Variants in CAMKMT observed in about 807,000 individuals in gnomAD.
The protein encoded by CAMKMT is calmodulin-lysine N-methyltransferase, also known as CaM KMT.
CAMKMT carries 53 observed loss-of-function variants against 48.0 expected under a neutral mutation model. The ratio of observed to expected loss-of-function variants is 1.10; its 90% CI spans 0.89 to 1.39. The LOEUF (loss-of-function observed/expected upper bound fraction) is 1.39, where lower values mean the gene tolerates loss of function less well. Ranked by LOEUF, CAMKMT falls within the 40% of genes most tolerant of loss-of-function variation. CAMKMT has a pLI of 0.00. For synonymous variants in CAMKMT, 165 were observed against 152.3 expected (o/e 1.08, Z -0.61); for missense variants, 428 against 402.7 (o/e 1.06, Z -0.54).
intron 3 of CAMKMT, among the ~76,000 whole-genome samples, chr2:44,437,534 G>A (rs1428180468): frequency 1.4e-5 from 2 of 147,306 alleles, no homozygotes; most frequent in African/African-American, 5.4e-5. Context: ...GCCATAAGCC[G>A]TTAGTAGTGT....
At chr2:44,615,650 G>T (rs955928214) in intron 3 of CAMKMT, among the ~76,000 whole-genome samples, 1 of 152,132 alleles carries the variant, frequency 6.6e-6, no homozygotes, top group Non-Finnish European at 1.5e-5. Flanking sequence ...CATTGGGCAT[G>T]ATTTGAGTTG....
intron 1 of CAMKMT, among the ~76,000 whole-genome samples, chr2:44,371,942 T>G (rs1208354239): frequency 1.3e-5 from 2 of 152,194 alleles, no homozygotes; most frequent in African/African-American, 4.8e-5. Flanking sequence ...TGCCCCACAC[T>G]TAAAAACCTG....
intron 3 of CAMKMT, among the ~76,000 whole-genome samples, chr2:44,511,408 C>T (rs1172099838): frequency 6.6e-6 from 1 of 152,194 alleles, no homozygotes; most frequent in Non-Finnish European, 1.5e-5. Flanking sequence ...CATGCCTCAG[C>T]TACCTGAGTA....
Position 44,601,781 on chromosome 2 carries a change from C to T in CAMKMT, c.377-102502C>T, listed in dbSNP as rs527555597. On this transcript the variant is annotated intron_variant, in intron 3 of 10. Coordinates refer to ENST00000378494, the MANE Select transcript of CAMKMT (RefSeq NM_024766.5). ...GATTTAAACTTAATATTAAACATTT[C>T]CTCTCAATTCTCTTAATTACTTTTT... Among the ~76,000 whole-genome samples the T allele has an allele frequency of 1.9e-4, 29 of 151,488 alleles. No homozygotes were observed. In the East Asian group the frequency reaches 5.6e-3, roughly 29 times the overall value.
chr2:44,379,391 G>A lies in CAMKMT; in HGVS notation c.311+6503G>A, dbSNP rs111229402. Among the ~76,000 whole-genome samples the A allele has an allele frequency of 4.2e-3, 644 of 152,212 alleles. 5 individuals are homozygous for A. Among genetic ancestry groups the A allele is most frequent in the Non-Finnish European group, 7.6e-3 (514 of 68,010 alleles). On this transcript the variant is annotated intron_variant, in intron 2 of 10. Transcript: ENST00000378494. ...TGAATATGCATGTACAAGTTTTTGT[G>A]TGAACATATGCTTTTAATTCTCTTG...
At chr2:44,730,468 C>T (rs1679022734) in intron 7 of CAMKMT, among the ~76,000 whole-genome samples, 2 of 152,198 alleles carry the variant, frequency 1.3e-5, no homozygotes, top group African/African-American at 4.8e-5. Flanking sequence ...ACTTGAGGAA[C>T]ATGTCCTCAT....
intron 3 of CAMKMT, among the ~76,000 whole-genome samples, chr2:44,548,353 C>T (rs1388515423): frequency 6.6e-6 from 1 of 152,138 alleles, no homozygotes; most frequent in Non-Finnish European, 1.5e-5. Context: ...TCTCTAAGTG[C>T]TTTGGTTTGT....
intron 1 of CAMKMT, chr2:44,369,658 A>C (rs374174255): frequency 1.1e-4 from 17 of 152,356 alleles, no homozygotes; most frequent in African/African-American, 4.1e-4. Context: ...TTTGGTGAAC[A>C]GGAAGCTGCT....
intron 3 of CAMKMT, among the ~76,000 whole-genome samples, chr2:44,609,443 A>G (rs867145674): frequency 1.3e-5 from 2 of 151,672 alleles, no homozygotes; most frequent in South Asian, 2.1e-4. Context: ...TTGTCTGTCA[A>G]TTTTTAAATA....
chr2:44,584,995 C>T lies in CAMKMT; in HGVS notation c.377-119288C>T, dbSNP rs1012290150. Among the ~76,000 whole-genome samples, 5 of 151,268 alleles carry T rather than the reference C, an allele frequency of 3.3e-5. No individual in the cohort carries two copies. In the East Asian group the frequency reaches 7.8e-4, roughly 24 times the overall value. On this transcript the variant is annotated intron_variant, in intron 3 of 10. Coordinates refer to ENST00000378494, the MANE Select transcript of CAMKMT (RefSeq NM_024766.5). ...ACATGAACCCACGAGGCGGAGGTTG[C>T]AGTGAGCCGAGATCGCACCACTGCA...
intron 3 of CAMKMT, among the ~76,000 whole-genome samples, chr2:44,685,380 G>A (rs1014014214): frequency 6.6e-6 from 1 of 152,170 alleles, no homozygotes; most frequent in African/African-American, 2.4e-5. Context: ...AGTGAAGGGA[G>A]GGAGTTCTTT....
At chr2:44,737,846 T>G (rs1264554947) in intron 7 of CAMKMT, among the ~76,000 whole-genome samples, 1 of 150,512 alleles carries the variant, frequency 6.6e-6, no homozygotes, top group Non-Finnish European at 1.5e-5. Flanking sequence ...CTCAGTTCCA[T>G]CTTCTTTTTT....
intron 3 of CAMKMT, among the ~76,000 whole-genome samples, chr2:44,604,889 G>A (rs4952718): frequency 0.6 from 91,408 of 151,628 alleles, 28,213 homozygotes; most frequent in Admixed American, 0.68. Context: ...TGAACAAATA[G>A]GCTGTTTGTG....
At chr2:44,491,515 T>A (rs1234287524) in intron 3 of CAMKMT, among the ~76,000 whole-genome samples, 1 of 152,156 alleles carries the variant, frequency 6.6e-6, no homozygotes, top group Non-Finnish European at 1.5e-5. Context: ...GTTACAAAAA[T>A]TTTGGAATAT....
rs558838700 is a variant in CAMKMT, at chr2:44,695,116, G to A, written c.377-9167G>A. The stretch of plus-strand genomic sequence containing the variant: ...ATTCTGCAGCACTTCATTGAGTGAC[G>A]TCAATAATGTAGCAGAAGTGCTATA... On this transcript the variant is annotated intron_variant, in intron 3 of 10. Coordinates refer to ENST00000378494, the MANE Select transcript of CAMKMT (RefSeq NM_024766.5). Among the ~76,000 whole-genome samples, 6 of 152,268 alleles carry A rather than the reference G, an allele frequency of 3.9e-5. No individual in the cohort carries two copies. In the South Asian group the frequency reaches 8.3e-4, roughly 21 times the overall value.
At chr2:44,414,874 G>A (rs957667090) in intron 3 of CAMKMT, among the ~76,000 whole-genome samples, 14 of 152,292 alleles carry the variant, frequency 9.2e-5, no homozygotes, top group Middle Eastern at 3.4e-3. Context: ...TTAAAAAATC[G>A]GCCAGGCGTG....
intron 8 of CAMKMT, among the ~76,000 whole-genome samples, chr2:44,744,150 C>A (rs1343650987): frequency 6.6e-6 from 1 of 152,066 alleles, no homozygotes; most frequent in Non-Finnish European, 1.5e-5. Flanking sequence ...ATAAACATAT[C>A]TGTGGAATAT....
At chr2:44,362,186 C>A in intron 1 of CAMKMT, 41 bp downstream of exon 1, 2 of 1,413,094 alleles carry the variant, frequency 1.4e-6, no homozygotes, top group South Asian at 1.5e-5. Context: ...CCTCTGGTCA[C>A]TCCTCTCTCA....
rs375895173 is a variant in CAMKMT at position 44,670,459 on chromosome 2, T to C, written c.377-33824T>C. Among the ~76,000 whole-genome samples, 28 of 152,242 alleles carry C rather than the reference T, an allele frequency of 1.8e-4. No individual in the cohort carries two copies. In the East Asian group the frequency reaches 5.2e-3, roughly 28 times the overall value. Reference sequence around the variant, plus strand: ...GTGATTGCACCACTGCACTCCAGACTGGGCAGCAGAGCGAGATCTTCTCTC... The same window carrying C: ...GTGATTGCACCACTGCACTCCAGACCGGGCAGCAGAGCGAGATCTTCTCTC... On this transcript the variant is annotated intron_variant, in intron 3 of 10. Transcript: ENST00000378494.
Sources: allele counts gnomAD v4.1 joint callset (sites outside exome capture counted in the v4.1 genomes callset), GRCh38; gene constraint gnomAD v4.1.1; transcripts MANE v1.5; gene names NCBI Gene and HGNC (gene_info 2026-07-23, HGNC 2026-07-21).